The following HAVCR1 variants were observed in gnomAD, a reference collection of about 807,000 sequenced individuals.
HAVCR1 encodes T cell immunoglobin domain and mucin domain protein 1.
In HAVCR1, 34 loss-of-function variants were observed where a neutral mutation model predicts 32.0. That is an observed-to-expected ratio of 1.06 (90% confidence interval 0.81 to 1.42). The LOEUF (loss-of-function observed/expected upper bound fraction) is 1.42, where lower values mean the gene tolerates loss of function less well. Ranked by LOEUF, HAVCR1 falls within the 40% of genes most tolerant of loss-of-function variation. The pLI, the probability that HAVCR1 is intolerant of heterozygous loss-of-function variation, is 0.00. For synonymous variants in HAVCR1, 178 were observed against 170.3 expected (o/e 1.05, Z -0.35); for missense variants, 420 against 442.3 (o/e 0.95, Z 0.45).
chr5:157,052,756 G>T, intron 3 of HAVCR1, 102 bp from the exon 4 acceptor site: 1 of 979,948 alleles, frequency 1.0e-6, no homozygotes. Context: ...ACTGTCCCTA[G>T]GTGGAGTTAA....
chr5:157,059,608 G>A (rs1756425485), upstream of HAVCR1, among the ~76,000 whole-genome samples: 4 of 152,310 alleles, frequency 2.6e-5, no homozygotes, highest in South Asian at 8.3e-4. Context: ...CTGGAAGGTG[G>A]AGGTTGCAGT....
At chr5:157,057,229 T>C (rs370584902) in intron 2 of HAVCR1, among the ~76,000 whole-genome samples, 1 of 151,458 alleles carries the variant, frequency 6.6e-6, no homozygotes, top group African/African-American at 2.4e-5. Context: ...AGGCAGAGAA[T>C]TGCTTGAACC....
At chr5:157,050,482 T>A (rs1031961910) in intron 4 of HAVCR1, among the ~76,000 whole-genome samples, 3 of 152,162 alleles carry the variant, frequency 2.0e-5, no homozygotes, top group African/African-American at 7.2e-5. Flanking sequence ...GCTCCAGGGT[T>A]CTCTCATTCC....
intron 7 of HAVCR1, 67 bp from the exon 8 acceptor site, chr5:157,032,954 C>G (rs1278349156): frequency 4.1e-6 from 4 of 976,088 alleles, no homozygotes; most frequent in Non-Finnish European, 6.2e-6. Context: ...GAGTTTTAAT[C>G]TTTTTTTCAA....
Position 157,055,259 on chromosome 5 carries a change from A to G in HAVCR1, c.321T>C (p.Val107=). The change falls in exon 3 of 9, where the codon GTT becomes GTC. Residue 107 remains valine (V), a synonymous_variant. Transcript: ENST00000523175. ...VSDSGVYCCR[V]EHRGWFNDMK... ...TGTCATTGAACCACCCACGGTGCTC[A>G]ACACGGCAACAATATACGCCACTGT... The G allele has an allele frequency of 6.2e-7, 1 of 1,612,702 alleles. No individual in the cohort carries two copies. The highest frequency in any genetic ancestry group is 8.5e-7 in the Non-Finnish European group (1 of 1,178,904).
At chr5:157,044,690 A>G (rs76668590) in intron 5 of HAVCR1, among the ~76,000 whole-genome samples, 4,744 of 139,298 alleles carry the variant, frequency 0.034, 347 homozygotes, top group African/African-American at 0.11. Context: ...GGGAGGGAGG[A>G]AGGAAGGAAG....
At position 157,044,509 on chromosome 5, in the gene HAVCR1, AGGAAGGAAG is replaced by A. The variant is rs1414282962; in HGVS notation, c.782-1836_782-1828del. On this transcript the variant is annotated intron_variant, in intron 5 of 8. Coordinates refer to ENST00000523175, the MANE Select transcript of HAVCR1 (RefSeq NM_001173393.3). ...GAAGGAAGGAAGGAAGGAAGGAAGG[AGGAAGGAAG>A]GAAAGAAAGAAAGGAAAGAAGAAAG... Among the ~76,000 whole-genome samples, 227 of 126,470 alleles carry A rather than the reference AGGAAGGAAG, an allele frequency of 1.8e-3. 5 individuals carry two copies. The highest frequency in any genetic ancestry group is 6.9e-3 in the African/African-American group (217 of 31,350). 83.0% of individuals were successfully genotyped at this position (126,470 alleles called of 152,430 possible). A position where few individuals can be genotyped will look rare whatever the true frequency, so the allele number is the denominator to read the frequency against.
chr5:157,038,553 T>C (rs1399860509), intron 6 of HAVCR1, among the ~76,000 whole-genome samples: 7 of 152,178 alleles, frequency 4.6e-5, no homozygotes, highest in African/African-American at 1.2e-4. Flanking sequence ...TTCAATAGGG[T>C]TCTTTGCAAG....
intron 3 of HAVCR1, among the ~76,000 whole-genome samples, chr5:157,052,886 A>G (rs981025377): frequency 6.6e-6 from 1 of 152,222 alleles, no homozygotes; most frequent in Non-Finnish European, 1.5e-5. Context: ...ATGCATATTC[A>G]GCAAATAAGA....
intron 2 of HAVCR1, among the ~76,000 whole-genome samples, chr5:157,057,484 A>C (rs1756282288): frequency 6.6e-6 from 1 of 152,060 alleles, no homozygotes; most frequent in South Asian, 2.1e-4. Flanking sequence ...GTGGCTGAAA[A>C]AAATCGGAAG....
At chr5:157,031,815 AAG>A (rs1554088373) in intron 8 of HAVCR1, among the ~76,000 whole-genome samples, 2 of 143,876 alleles carry the variant, frequency 1.4e-5, no homozygotes, top group South Asian at 2.2e-4. Flanking sequence ...AAAAAAAAAA[AAG>A]TAACTAGGCA....
intron 8 of HAVCR1, among the ~76,000 whole-genome samples, chr5:157,032,458 T>A (rs1754233791): frequency 1.3e-5 from 2 of 152,274 alleles, no homozygotes; most frequent in South Asian, 4.1e-4. Flanking sequence ...GTGGAGGTTG[T>A]GGTGAGCCGA....
chr5:157,066,171 G>GC, the HAVCR1 span, among the ~76,000 whole-genome samples: 106 of 151,694 alleles, frequency 7.0e-4, no homozygotes, highest in Middle Eastern at 0.034. Flanking sequence ...TGAAGCAAAC[G>GC]CATCAAAGAA....
Position 157,049,157 on chromosome 5 carries a change from A to G in HAVCR1, c.674-12T>C. On this transcript the variant is annotated splice_polypyrimidine_tract_variant and intron_variant, in intron 4 of 8. Transcript: ENST00000523175. Reference sequence around the variant, plus strand: ...TGGTGAAGTGGCTACTGGAATGAAAAGAATGGAAGAATTGTTCCATTTGTG... The same window carrying G: ...TGGTGAAGTGGCTACTGGAATGAAAGGAATGGAAGAATTGTTCCATTTGTG... 1 of 1,489,280 alleles carries G rather than the reference A, an allele frequency of 6.7e-7. No homozygotes were observed. Among genetic ancestry groups the G allele is most frequent in the Admixed American group, 1.7e-5 (1 of 59,824 alleles). The allele number at this position is 1,489,280 out of a possible 1,614,324, so 92.3% of individuals were successfully genotyped here. A position where few individuals can be genotyped will look rare whatever the true frequency, so the allele number is the denominator to read the frequency against.
intron 5 of HAVCR1, 27 bp downstream of exon 5, chr5:157,049,011 G>T: frequency 7.9e-7 from 1 of 1,265,604 alleles, no homozygotes; most frequent in Non-Finnish European, 1.2e-6. Flanking sequence ...AATGATCCCA[G>T]GTCTTCAGGA....
intron 2 of HAVCR1, among the ~76,000 whole-genome samples, chr5:157,057,387 GA>G (rs1756236172): frequency 0.24 from 1,549 of 6,404 alleles, 68 homozygotes; most frequent in Middle Eastern, 0.5. Flanking sequence ...AGAGAGAGAG[GA>G]AAGAAAGAAA....
intron 3 of HAVCR1, among the ~76,000 whole-genome samples, chr5:157,054,190 CAA>C (rs900551230): frequency 2.4e-5 from 1 of 42,204 alleles, no homozygotes; most frequent in Admixed American, 2.7e-4. Context: ...GACTCCATCT[CAA>C]AAAAAAAAAA....
intron 3 of HAVCR1, among the ~76,000 whole-genome samples, chr5:157,054,980 T>C (rs1057394652): frequency 6.6e-6 from 1 of 152,176 alleles, no homozygotes; most frequent in East Asian, 1.9e-4. Context: ...CAAGGAACAA[T>C]TGTACTGCTG....
At chr5:157,056,473 A>G (rs1376031100) in intron 2 of HAVCR1, among the ~76,000 whole-genome samples, 3 of 148,054 alleles carry the variant, frequency 2.0e-5, no homozygotes, top group Non-Finnish European at 1.5e-5. Context: ...TCCGCCTCCC[A>G]GGTTCACGCC....
Sources: allele counts gnomAD v4.1 joint callset (sites outside exome capture counted in the v4.1 genomes callset), GRCh38; gene constraint gnomAD v4.1.1; transcripts MANE v1.5; gene names NCBI Gene and HGNC (gene_info 2026-07-23, HGNC 2026-07-21).